The following CCSER1 variants were observed in gnomAD, a reference collection of about 807,000 sequenced individuals.
The protein encoded by CCSER1 is serine-rich coiled-coil domain-containing protein 1.
Under a neutral mutation model 82.0 loss-of-function variants are expected in CCSER1, and 41 were observed. The ratio of observed to expected loss-of-function variants is 0.50; its 90% CI spans 0.39 to 0.65. CCSER1 has a LOEUF of 0.65. Ranked by LOEUF, CCSER1 falls within the 30% of genes least tolerant of loss-of-function variation. The pLI, the probability that CCSER1 is intolerant of heterozygous loss-of-function variation, is 0.00. For missense variants in CCSER1, 1,119 were observed against 1,064.2 expected (o/e 1.05, Z -0.72); for synonymous variants, 414 against 383.9 (o/e 1.08, Z -0.92).
chr4:91,355,213 A>G (rs1387900819), intron 10 of CCSER1, among the ~76,000 whole-genome samples: 4 of 150,380 alleles, frequency 2.7e-5, no homozygotes, highest in African/African-American at 9.8e-5. Context: ...TTTTTTTTTT[A>G]ACTGTTTAAC....
intron 5 of CCSER1, among the ~76,000 whole-genome samples, chr4:90,516,150 T>G (rs1019772798): frequency 1.1e-4 from 17 of 152,234 alleles, no homozygotes; most frequent in Admixed American, 1.1e-3. Context: ...GAATTGGTAT[T>G]TAAGACTTGA....
intron 10 of CCSER1, among the ~76,000 whole-genome samples, chr4:91,187,792 A>T (rs1369903074): frequency 6.6e-6 from 1 of 152,080 alleles, no homozygotes; most frequent in East Asian, 1.9e-4. Context: ...ACCTCAAGTG[A>T]TGCACCCGCC....
At position 91,243,336 on chromosome 4, in the gene CCSER1, C is replaced by T. The variant is rs112622303; in HGVS notation, c.2217+157342C>T. ...GATTAACTTGAAAGGCAGTCTAGCA[C>T]GCAAGAACTGCAATTTCTAGGCAAC... On this transcript the variant is annotated intron_variant, in intron 10 of 10. Transcript: ENST00000509176. 2.6e-4 allele frequency among the ~76,000 whole-genome samples: 40 copies of T among 152,286 alleles called. 1 individual carries two copies. The South Asian group carries it at 5.8e-3, about 22-fold the overall frequency.
chr4:91,438,735 A>G (rs1037585688), intron 10 of CCSER1, among the ~76,000 whole-genome samples: 1 of 152,210 alleles, frequency 6.6e-6, no homozygotes, highest in Admixed American at 6.5e-5. Flanking sequence ...AACTTTCAAA[A>G]AAATTTAGAC....
At chr4:90,156,127 T>C (rs1728095484) in intron 1 of CCSER1, among the ~76,000 whole-genome samples, 1 of 152,226 alleles carries the variant, frequency 6.6e-6, no homozygotes, top group African/African-American at 2.4e-5. Flanking sequence ...CATTTCGTTA[T>C]GTACCCAGTA....
chr4:90,275,170 C>T (rs1727313291), intron 1 of CCSER1, among the ~76,000 whole-genome samples: 2 of 152,218 alleles, frequency 1.3e-5, no homozygotes, highest in African/African-American at 4.8e-5. Flanking sequence ...AACATGGTCT[C>T]ATAATCAGTT....
At chr4:91,361,675 AG>A (rs992537160) in intron 10 of CCSER1, among the ~76,000 whole-genome samples, 2 of 151,832 alleles carry the variant, frequency 1.3e-5, no homozygotes, top group African/African-American at 2.4e-5. Context: ...AGCAAGTAAG[AG>A]CGAAATCTAT....
intron 9 of CCSER1, among the ~76,000 whole-genome samples, chr4:91,059,974 A>G (rs942099753): frequency 1.8e-4 from 27 of 152,092 alleles, no homozygotes; most frequent in African/African-American, 6.5e-4. Flanking sequence ...TTTTTTCTCT[A>G]GGATCAATTC....
At chr4:90,512,933 T>C (rs1049818974) in intron 5 of CCSER1, among the ~76,000 whole-genome samples, 2 of 152,220 alleles carry the variant, frequency 1.3e-5, no homozygotes, top group African/African-American at 2.4e-5. Flanking sequence ...ATTGAATTTA[T>C]GGTAAAATTC....
At chr4:90,896,924 TAAC>T (rs1723796822) in intron 8 of CCSER1, among the ~76,000 whole-genome samples, 1 of 151,854 alleles carries the variant, frequency 6.6e-6, no homozygotes, top group Admixed American at 6.6e-5. Flanking sequence ...TCAAATAACA[TAAC>T]AACAGCAAAA....
chr4:90,638,263 A>G (rs1335153850), intron 6 of CCSER1, among the ~76,000 whole-genome samples: 1 of 152,120 alleles, frequency 6.6e-6, no homozygotes, highest in African/African-American at 2.4e-5. Context: ...ATCTCAAATC[A>G]TGTGGTTGTT....
intron 1 of CCSER1, among the ~76,000 whole-genome samples, chr4:90,270,925 T>G (rs1282053090): frequency 6.6e-6 from 1 of 151,780 alleles, no homozygotes; most frequent in Non-Finnish European, 1.5e-5. Flanking sequence ...TAGGAATTAA[T>G]GTAGCCAAAG....
intron 4 of CCSER1, among the ~76,000 whole-genome samples, chr4:90,415,002 A>C (rs919512630): frequency 2.0e-5 from 3 of 152,242 alleles, no homozygotes; most frequent in Non-Finnish European, 4.4e-5. Context: ...GATATGAAAA[A>C]AAATAAGATG....
chr4:90,359,268 G>A (rs963271298), intron 3 of CCSER1, among the ~76,000 whole-genome samples: 7 of 152,132 alleles, frequency 4.6e-5, no homozygotes, highest in African/African-American at 1.7e-4. Context: ...AATAAAAATA[G>A]TATATGAGAA....
intron 1 of CCSER1, among the ~76,000 whole-genome samples, chr4:90,189,244 G>C (rs1735179923): frequency 6.6e-6 from 1 of 151,864 alleles, no homozygotes. Context: ...TGTGAAATAT[G>C]GTTTTGTCAA....
intron 4 of CCSER1, among the ~76,000 whole-genome samples, chr4:90,403,752 T>C (rs150581625): frequency 0.01 from 1,538 of 151,784 alleles, 16 homozygotes; most frequent in South Asian, 0.03. Context: ...GGCTACAGAG[T>C]CTTATTATGG....
At chr4:90,623,491 G>A (rs913543846) in intron 5 of CCSER1, among the ~76,000 whole-genome samples, 1 of 152,194 alleles carries the variant, frequency 6.6e-6, no homozygotes. Flanking sequence ...TTTTGTGAGA[G>A]AGACAGTTTC....
chr4:91,135,063 A>G (rs1330016371), intron 10 of CCSER1, among the ~76,000 whole-genome samples: 1 of 145,074 alleles, frequency 6.9e-6, no homozygotes, highest in Non-Finnish European at 1.5e-5. Flanking sequence ...TGTCTCAAAG[A>G]AAAAAAAAAA....
chr4:91,573,564 A>G (rs1763294575), intron 10 of CCSER1, among the ~76,000 whole-genome samples: 1 of 152,166 alleles, frequency 6.6e-6, no homozygotes. Flanking sequence ...AAGGATTGCA[A>G]AGATCCATAG....
Sources: gnomAD v4.1 joint callset for allele counts (sites outside exome capture counted in the v4.1 genomes callset) on GRCh38, gnomAD v4.1.1 for gene constraint, MANE v1.5 for transcripts, NCBI Gene and HGNC (gene_info 2026-07-23, HGNC 2026-07-21) for gene names.